WDFY2: variants seen among roughly 807,000 people sequenced by gnomAD.
WDFY2 encodes WD repeat and FYVE domain-containing protein 2.
Under a neutral mutation model 56.4 loss-of-function variants are expected in WDFY2, and 36 were observed. The observed-to-expected ratio is 0.64, with a 90% CI of 0.49 to 0.84. WDFY2 has a LOEUF of 0.84. Among genes scored for constraint, WDFY2 ranks in the 40% least tolerant of loss-of-function variants. The probability of loss-of-function intolerance (pLI) is 0.00; values close to 1 mark genes in which losing one functional copy is unlikely to be tolerated. For missense variants in WDFY2, 444 were observed against 512.2 expected (o/e 0.87, Z 1.29); for synonymous variants, 176 against 183.7 (o/e 0.96, Z 0.34).
chr13:51,641,487 A>G (rs1955156043), intron 1 of WDFY2, among the ~76,000 whole-genome samples: 1 of 152,002 alleles, frequency 6.6e-6, no homozygotes, highest in Admixed American at 6.6e-5. Flanking sequence ...ATGATGCATG[A>G]TTGAATTCCT....
intron 4 of WDFY2, among the ~76,000 whole-genome samples, chr13:51,714,417 A>T (rs990476386): frequency 2.0e-5 from 3 of 151,960 alleles, no homozygotes; most frequent in Non-Finnish European, 4.4e-5. Context: ...TCAGCCTCCC[A>T]AGTAGCTGGA....
rs530958142 is a variant in WDFY2 at position 51,679,363 on chromosome 13, C to T, written c.279+4120C>T. 1.1e-4 allele frequency among the ~76,000 whole-genome samples: 16 copies of T among 152,196 alleles called. 1 individual carries two copies. The South Asian group carries it at 3.1e-3, about 30-fold the overall frequency. ...CTCCATCAAAACTTACAGGGAGCCACAGTTTTTATTAATATCTTGCTAAGA... is the reference window on the plus strand; with the variant it reads ...CTCCATCAAAACTTACAGGGAGCCATAGTTTTTATTAATATCTTGCTAAGA... On this transcript the variant is annotated intron_variant, in intron 3 of 11. Coordinates refer to ENST00000298125, the MANE Select transcript of WDFY2 (RefSeq NM_052950.4).
chr13:51,613,805 G>C (rs1954550497), intron 1 of WDFY2, among the ~76,000 whole-genome samples: 1 of 152,052 alleles, frequency 6.6e-6, no homozygotes, highest in Admixed American at 6.6e-5. Context: ...ATATGTTGCT[G>C]ATTACTGACT....
chr13:51,633,279 G>A lies in WDFY2; in HGVS notation c.138-27317G>A, dbSNP rs118016585. Among the ~76,000 whole-genome samples, 797 of 152,326 alleles carry A rather than the reference G, an allele frequency of 5.2e-3. 8 individuals are homozygous for A. Among genetic ancestry groups the A allele is most frequent in the Middle Eastern group, 0.02 (6 of 294 alleles). The stretch of plus-strand genomic sequence containing the variant: ...TAGGCTCTGAAGTGGGGATCCTGGT[G>A]GACTTGGCCACCCCATGTGTAGTGG... On this transcript the variant is annotated intron_variant, in intron 1 of 11. Coordinates refer to ENST00000298125, the MANE Select transcript of WDFY2 (RefSeq NM_052950.4).
intron 1 of WDFY2, among the ~76,000 whole-genome samples, chr13:51,631,696 A>G (rs1461946918): frequency 1.3e-5 from 2 of 152,146 alleles, no homozygotes; most frequent in African/African-American, 4.8e-5. Flanking sequence ...TGATTTCAAC[A>G]TTGACACGCA....
intron 4 of WDFY2, among the ~76,000 whole-genome samples, chr13:51,716,406 A>C (rs1952346707): frequency 6.6e-6 from 1 of 152,216 alleles, no homozygotes; most frequent in Non-Finnish European, 1.5e-5. Context: ...AAAAATCAAC[A>C]AGTGGGCCGG....
intron 1 of WDFY2, among the ~76,000 whole-genome samples, chr13:51,614,052 G>C (rs1236247435): frequency 6.6e-6 from 1 of 151,890 alleles, no homozygotes; most frequent in Non-Finnish European, 1.5e-5. Context: ...TGGGCCTGGT[G>C]GTGGGCGCCT....
chr13:51,621,501 G>A (rs766002714), intron 1 of WDFY2, among the ~76,000 whole-genome samples: 162 of 151,948 alleles, frequency 1.1e-3, no homozygotes, highest in Non-Finnish European at 1.9e-3. Flanking sequence ...GTGAAACTTC[G>A]TCTCAAAAAA....
chr13:51,683,487 A>G (rs939288035), intron 3 of WDFY2, among the ~76,000 whole-genome samples: 1 of 152,230 alleles, frequency 6.6e-6, no homozygotes, highest in African/African-American at 2.4e-5. Context: ...CAAGGTTTCA[A>G]GCCCAGATGG....
At chr13:51,610,011 CTGATTT>C (rs1954465911) in intron 1 of WDFY2, among the ~76,000 whole-genome samples, 1 of 151,972 alleles carries the variant, frequency 6.6e-6, no homozygotes, top group Non-Finnish European at 1.5e-5. Context: ...TTTCTTTTTC[CTGATTT>C]ATACCCAAGT....
At chr13:51,641,891 G>T (rs1334269994) in intron 1 of WDFY2, among the ~76,000 whole-genome samples, 1 of 151,634 alleles carries the variant, frequency 6.6e-6, no homozygotes, top group Non-Finnish European at 1.5e-5. Flanking sequence ...AGGAAAATGG[G>T]AGTGTAGTTG....
intron 6 of WDFY2, among the ~76,000 whole-genome samples, chr13:51,728,436 C>T (rs900146659): frequency 1.3e-5 from 2 of 152,132 alleles, no homozygotes; most frequent in South Asian, 2.1e-4. Flanking sequence ...GTAGTTTTAA[C>T]GTGTACTATT....
chr13:51,649,624 T>C (rs1363003679), intron 1 of WDFY2, among the ~76,000 whole-genome samples: 1 of 136,734 alleles, frequency 7.3e-6, no homozygotes, highest in Non-Finnish European at 1.5e-5. Flanking sequence ...ATGTTCCCCT[T>C]CCTGTGTCCA....
Position 51,642,892 on chromosome 13 carries a change from G to A in WDFY2, c.138-17704G>A, listed in dbSNP as rs188182997. Among the ~76,000 whole-genome samples the A allele has an allele frequency of 1.5e-3, 221 of 151,916 alleles. 1 individual carries two copies. The highest frequency in any genetic ancestry group is 4.6e-3 in the African/African-American group (191 of 41,432). On this transcript the variant is annotated intron_variant, in intron 1 of 11. Transcript: ENST00000298125. ...GGGGTTTCACCATGTTGGCCAGGAT[G>A]GTCTCGATCTCTTGACCTCGTGATC...
chr13:51,751,736 A>G (rs1245244411), intron 8 of WDFY2, among the ~76,000 whole-genome samples: 2 of 152,184 alleles, frequency 1.3e-5, no homozygotes, highest in South Asian at 2.1e-4. Flanking sequence ...ATGCACTACA[A>G]AAACGGAGGA....
chr13:51,757,160 GTAGTC>G (rs1292138626), intron 10 of WDFY2, among the ~76,000 whole-genome samples: 1 of 152,090 alleles, frequency 6.6e-6, no homozygotes, highest in East Asian at 1.9e-4. Flanking sequence ...AAAATCATAA[GTAGTC>G]TTATTTATCC....
chr13:51,729,358 C>T (rs562989424), intron 6 of WDFY2, among the ~76,000 whole-genome samples: 1 of 151,874 alleles, frequency 6.6e-6, no homozygotes, highest in South Asian at 2.1e-4. Context: ...CCCAAGCCCC[C>T]ATCGCCATCT....
chr13:51,590,142 T>C (rs1954016560), intron 1 of WDFY2: 1 of 152,194 alleles, frequency 6.6e-6, no homozygotes, highest in Non-Finnish European at 1.5e-5. Context: ...CAGATCTTAA[T>C]CAGTATATAT....
intron 2 of WDFY2, among the ~76,000 whole-genome samples, chr13:51,670,489 GCACACACA>G (rs55984632): frequency 0.01 from 1,367 of 131,468 alleles, 8 homozygotes; most frequent in African/African-American, 0.015. Context: ...GTGCGCACAT[GCACACACA>G]CACACACACA....
Sources: allele counts gnomAD v4.1 joint callset (sites outside exome capture counted in the v4.1 genomes callset), GRCh38; gene constraint gnomAD v4.1.1; transcripts MANE v1.5; gene names NCBI Gene and HGNC (gene_info 2026-07-23, HGNC 2026-07-21).